PARM1: variants seen among roughly 807,000 people sequenced by gnomAD.
PARM1 encodes prostate androgen-regulated mucin-like protein 1.
Under a neutral mutation model 24.6 loss-of-function variants are expected in PARM1, and 14 were observed. That is an observed-to-expected ratio of 0.57 (90% CI 0.38 to 0.89). The LOEUF is 0.89. Ranked by LOEUF, PARM1 falls within the 40% of genes least tolerant of loss-of-function variation. PARM1 has a pLI of 0.00. For missense variants in PARM1, 362 were observed against 380.4 expected, an observed-to-expected ratio of 0.95 and a Z score of 0.40; for synonymous variants, 179 against 156.6, an observed-to-expected ratio of 1.14 and a Z score of -1.07.
intron 1 of PARM1, among the ~76,000 whole-genome samples, chr4:74,972,147 G>A (rs1334373173): frequency 6.6e-6 from 1 of 152,168 alleles, no homozygotes; most frequent in African/African-American, 2.4e-5. Context: ...GAGCAGTGCT[G>A]CCCACATCAC....
Position 75,012,551 on chromosome 4 carries a change from CCAACGGCACTCACAA to C in PARM1, c.175_189del (p.Gly59_Asn63del), listed in dbSNP as rs1274956232. On this transcript the variant is annotated inframe_deletion, in exon 2 of 4. Transcript: ENST00000307428. ...ACTGATGCAGACACTGCCTCCCCAT[CCAACGGCACTCACAA>C]CAACTCGGTGCTCCCAGTTACAGCA... The C allele has an allele frequency of 1.2e-6, 2 of 1,613,986 alleles. No individual in the cohort carries two copies. Among genetic ancestry groups the C allele is most frequent in the Admixed American group, 3.3e-5 (2 of 60,018 alleles).
chr4:74,987,255 C>G (rs1249288272), intron 1 of PARM1, among the ~76,000 whole-genome samples: 3 of 152,080 alleles, frequency 2.0e-5, no homozygotes, highest in African/African-American at 7.2e-5. Context: ...TGGTAAGGTT[C>G]TATTCCTGGT....
intron 1 of PARM1, among the ~76,000 whole-genome samples, chr4:74,941,895 C>T (rs1393823496): frequency 9.2e-5 from 14 of 152,092 alleles, no homozygotes; most frequent in Non-Finnish European, 1.9e-4. Flanking sequence ...GAGGTTCATA[C>T]GAAGAGAACC....
intron 1 of PARM1, chr4:74,998,986 C>G (rs4859931): frequency 0.14 from 22,056 of 152,326 alleles, 1,800 homozygotes; most frequent in East Asian, 0.35. Flanking sequence ...AAAATGACCA[C>G]ACAACATAGA....
chr4:74,946,901 T>C (rs1378601418), intron 1 of PARM1, among the ~76,000 whole-genome samples: 1 of 152,120 alleles, frequency 6.6e-6, no homozygotes, highest in African/African-American at 2.4e-5. Context: ...AGAAGAAAAA[T>C]CAAGTTTTTT....
At chr4:75,039,979 C>A (rs1368651486) in intron 3 of PARM1, among the ~76,000 whole-genome samples, 1 of 152,194 alleles carries the variant, frequency 6.6e-6, no homozygotes, top group African/African-American at 2.4e-5. Flanking sequence ...GCTGTGCATG[C>A]TTCCCTCATA....
rs1352319926 is a variant in PARM1 at position 75,013,117 on chromosome 4, A to C, written c.736A>C (p.Ile246Leu). 6.2e-7 allele frequency: 1 copy of C among 1,613,790 alleles called. No homozygotes were observed. The highest frequency in any genetic ancestry group is 8.5e-7 in the Non-Finnish European group (1 of 1,179,804). The change falls in exon 2 of 4, where the codon ATC becomes CTC. Residue 246 changes from isoleucine to leucine, a missense_variant. Ile to Leu is a conservative substitution (Grantham distance 5, BLOSUM62 2). Transcript: ENST00000307428. ...GACCACCACCACCTTTCCCAGGGTG[A>C]TCATGCAGGAAGTAGAACATGCATT... is the stretch of plus-strand genomic sequence containing the variant. Reference protein sequence around the residue: ...METTTTFPRVIMQEVEHALSS... With the variant: ...METTTTFPRVLMQEVEHALSS...
Position 75,031,845 on chromosome 4 carries a change from A to G in PARM1, c.770-2038A>G, listed in dbSNP as rs758266437. Among the ~76,000 whole-genome samples the G allele has an allele frequency of 8.5e-4, 130 of 152,342 alleles. 1 individual carries two copies. The highest frequency in any genetic ancestry group is 6.3e-4 in the Non-Finnish European group (43 of 68,036). ...TGACTGTATCTTTTTGAATCTTAAA[A>G]TACTCCCATCACCTTACCCTATGGT... is the stretch of plus-strand genomic sequence containing the variant. On this transcript the variant is annotated intron_variant, in intron 2 of 3. Coordinates refer to ENST00000307428, the MANE Select transcript of PARM1 (RefSeq NM_015393.4).
At chr4:74,961,661 A>G (rs1721777044) in intron 1 of PARM1, among the ~76,000 whole-genome samples, 1 of 152,246 alleles carries the variant, frequency 6.6e-6, no homozygotes, top group Non-Finnish European at 1.5e-5. Flanking sequence ...GCTGATATAT[A>G]CAAAGTGCTG....
chr4:74,974,006 G>A (rs946291289), intron 1 of PARM1, among the ~76,000 whole-genome samples: 22 of 152,144 alleles, frequency 1.4e-4, no homozygotes, highest in African/African-American at 5.1e-4. Flanking sequence ...GAAAGCCAGT[G>A]GTGTAATTTA....
At chr4:75,002,023 C>T (rs1209115407) in intron 1 of PARM1, among the ~76,000 whole-genome samples, 1 of 152,176 alleles carries the variant, frequency 6.6e-6, no homozygotes, top group Admixed American at 6.5e-5. Context: ...GATGCATTAG[C>T]CTGGGATGCC....
chr4:74,992,962 T>G (rs1443835026), intron 1 of PARM1, among the ~76,000 whole-genome samples: 1 of 152,116 alleles, frequency 6.6e-6, no homozygotes, highest in East Asian at 1.9e-4. Flanking sequence ...TTATAACATA[T>G]ATACAAATAA....
chr4:75,037,451 C>A (rs918334900), intron 3 of PARM1, among the ~76,000 whole-genome samples: 3 of 152,208 alleles, frequency 2.0e-5, no homozygotes, highest in South Asian at 4.1e-4. Context: ...GACTTTTCAC[C>A]TTTCTTCCCA....
At position 74,978,941 on chromosome 4, in the gene PARM1, T is replaced by C. The variant is rs966688598; in HGVS notation, c.44-33484T>C. Reference sequence around the variant, plus strand: ...ATGAAGAGACAATGTACCAGAATCTTTGGGATGCAGCTAAAGCAGTGTTAG... The same window carrying C: ...ATGAAGAGACAATGTACCAGAATCTCTGGGATGCAGCTAAAGCAGTGTTAG... On this transcript the variant is annotated intron_variant, in intron 1 of 3. Coordinates refer to ENST00000307428, the MANE Select transcript of PARM1 (RefSeq NM_015393.4). 4.6e-5 allele frequency among the ~76,000 whole-genome samples: 7 copies of C among 152,232 alleles called. No homozygotes were observed. The East Asian group carries it at 1.4e-3, about 29-fold the overall frequency.
At chr4:75,039,509 G>A (rs1192230763) in intron 3 of PARM1, among the ~76,000 whole-genome samples, 2 of 152,106 alleles carry the variant, frequency 1.3e-5, no homozygotes, top group Non-Finnish European at 2.9e-5. Flanking sequence ...ACTTCAGCCT[G>A]CGTGACACAG....
intron 1 of PARM1, among the ~76,000 whole-genome samples, chr4:74,958,018 T>C (rs1190653622): frequency 6.6e-6 from 1 of 152,172 alleles, no homozygotes; most frequent in East Asian, 1.9e-4. Flanking sequence ...GGCAGACTAC[T>C]CATAGAGAGG....
rs533747695 is a variant in PARM1, at chr4:74,976,886, AAAAC to A, written c.44-35531_44-35528del. On this transcript the variant is annotated intron_variant, in intron 1 of 3. Transcript: ENST00000307428. ...GAAGAGGGGCCAGACTGTTAAAAGA[AAAAC>A]AAACAAATATAAAGCAACAACAACA... is the stretch of plus-strand genomic sequence containing the variant. Among the ~76,000 whole-genome samples the A allele has an allele frequency of 7.5e-3, 1,149 of 152,324 alleles. 3 individuals are homozygous for A. Among genetic ancestry groups the A allele is most frequent in the Middle Eastern group, 0.02 (6 of 294 alleles).
chr4:75,039,460 G>A (rs113700615), intron 3 of PARM1, among the ~76,000 whole-genome samples: 4,641 of 152,208 alleles, frequency 0.03, 243 homozygotes, highest in African/African-American at 0.11. Flanking sequence ...CATGAACCTG[G>A]GATGTGGAGC....
chr4:74,951,977 G>A (rs186546325), intron 1 of PARM1, among the ~76,000 whole-genome samples: 238 of 152,274 alleles, frequency 1.6e-3, no homozygotes, highest in African/African-American at 5.4e-3. Context: ...TGGGTCAAAT[G>A]GTATTTCTGG....
Sources: allele counts gnomAD v4.1 joint callset (sites outside exome capture counted in the v4.1 genomes callset), GRCh38; gene constraint gnomAD v4.1.1; transcripts MANE v1.5; gene names NCBI Gene and HGNC (gene_info 2026-07-23, HGNC 2026-07-21).